PGF: variants seen among roughly 807,000 people sequenced by gnomAD.
PGF encodes placental growth factor.
In PGF, 11 loss-of-function variants were observed where a neutral mutation model predicts 25.3. The ratio of observed to expected loss-of-function variants is 0.43; its 90% CI spans 0.27 to 0.72. The LOEUF (loss-of-function observed/expected upper bound fraction) is 0.72. Among genes scored for constraint, PGF ranks in the 30% least tolerant of loss-of-function variants. The pLI, the probability that PGF is intolerant of heterozygous loss-of-function variation, is 0.18. For synonymous variants in PGF, 105 were observed against 97.9 expected (o/e 1.07, Z -0.43); for missense variants, 230 against 234.9 (o/e 0.98, Z 0.14).
chr14:74,951,714 C>A (rs2268615), intron 2 of PGF, among the ~76,000 whole-genome samples: 54,263 of 152,046 alleles, frequency 0.36, 10,699 homozygotes, highest in Non-Finnish European at 0.42. Context: ...ATGCAGGTTC[C>A]GGGTCCCTGA....
Position 74,953,682 on chromosome 14 carries a change from C to T in PGF, c.118+222G>A, listed in dbSNP as rs1888922263. Among the ~76,000 whole-genome samples, 2 of 152,214 alleles carry T rather than the reference C, an allele frequency of 1.3e-5. No homozygotes were observed. The highest frequency in any genetic ancestry group is 2.9e-5 in the Non-Finnish European group (2 of 68,040). On this transcript the variant is annotated intron_variant, in intron 2 of 6. Transcript: ENST00000555567. This position sits in a 1 kb window ranked among gnomAD's most constrained non-coding sequence, Gnocchi z 5.4. Reference sequence around the variant, plus strand: ...ACCCTGGCTATACTGGCCCCAGCCCCACTCTCCGTGTGCTGGTGACTCCAG... The same window carrying T: ...ACCCTGGCTATACTGGCCCCAGCCCTACTCTCCGTGTGCTGGTGACTCCAG...
intron 2 of PGF, among the ~76,000 whole-genome samples, chr14:74,949,838 T>A (rs537250738): frequency 5.3e-5 from 8 of 152,304 alleles, no homozygotes; most frequent in African/African-American, 1.9e-4. Context: ...GCTTTGAGGA[T>A]TGTAGCCCCG....
rs1888954247 is a variant in PGF, at chr14:74,955,029, C to G, written c.75+139G>C. 3.8e-6 allele frequency: 1 copy of G among 262,982 alleles called. No individual in the cohort carries two copies. Among genetic ancestry groups the G allele is most frequent in the Non-Finnish European group, 7.4e-6 (1 of 135,060 alleles). 16.3% of individuals were successfully genotyped at this position (262,982 alleles called of 1,614,324 possible). On this transcript the variant is annotated intron_variant, in intron 1 of 6. Coordinates refer to ENST00000555567, the MANE Select transcript of PGF (RefSeq NM_002632.6). This position sits in a 1 kb window ranked among gnomAD's most constrained non-coding sequence, Gnocchi z 4.1. ...AGGTCTCTTCCCAAACGAAAGAAGT[C>G]CAGCCTGGCCTTTAGGAAGTGTGTG...
intron 5 of PGF, 38 bp downstream of exon 5, chr14:74,946,341 G>A (rs758939079): frequency 6.2e-7 from 1 of 1,613,900 alleles, no homozygotes; most frequent in African/African-American, 1.3e-5. Context: ...AGGCTGGCAG[G>A]CCCGAGAATA....
rs778488240 is a variant in PGF at position 74,953,978 on chromosome 14, G to C, written c.76-32C>G. The stretch of plus-strand genomic sequence containing the variant: ...ACAGAAAAGTGCAGAGGTGAGCTGG[G>C]GGTACCTTGGAGCTCTGCACTCTTG... On this transcript the variant is annotated intron_variant, in intron 1 of 6. Coordinates refer to ENST00000555567, the MANE Select transcript of PGF (RefSeq NM_002632.6). This position sits in a 1 kb window ranked among gnomAD's most constrained non-coding sequence, Gnocchi z 5.4. 5 of 1,611,620 alleles carry C rather than the reference G, an allele frequency of 3.1e-6. No homozygotes were observed. The highest frequency in any genetic ancestry group is 4.2e-6 in the Non-Finnish European group (5 of 1,178,348).
chr14:74,951,968 T>A (rs1888881739), intron 2 of PGF, among the ~76,000 whole-genome samples: 1 of 152,014 alleles, frequency 6.6e-6, no homozygotes. Context: ...TGCTCAGCTG[T>A]CCCCGAGAGC....
At chr14:74,944,176 C>T (rs2140400925) in intron 6 of PGF, among the ~76,000 whole-genome samples, 1 of 146,668 alleles carries the variant, frequency 6.8e-6, no homozygotes, top group East Asian at 2.0e-4. Flanking sequence ...GATCTCGGCT[C>T]ACTGCAAGTT....
chr14:74,954,069 TG>T, intron 1 of PGF, 123 bp from the exon 2 acceptor site: 1 of 884,302 alleles, frequency 1.1e-6, no homozygotes, highest in Non-Finnish European at 1.8e-6. Context: ...GCACATGCTC[TG>T]CCCTGTCTCA....
At chr14:74,948,206 A>C in intron 4 of PGF, 3 of 274,076 alleles carry the variant, frequency 1.1e-5, no homozygotes, top group East Asian at 6.4e-5. Context: ...GAGAAGGGGA[A>C]CGACACGCAC....
intron 2 of PGF, among the ~76,000 whole-genome samples, chr14:74,952,176 G>T (rs1371356548): frequency 1.3e-5 from 2 of 152,242 alleles, no homozygotes; most frequent in Non-Finnish European, 2.9e-5. Flanking sequence ...CACCTGGGAT[G>T]GGGGAGACCC....
At position 74,951,276 on chromosome 14, in the gene PGF, T is replaced by C. The variant is rs192615214; in HGVS notation, c.119-1723A>G. Among the ~76,000 whole-genome samples, 355 of 152,280 alleles carry C rather than the reference T, an allele frequency of 2.3e-3. 3 individuals are homozygous for C. Among genetic ancestry groups the C allele is most frequent in the African/African-American group, 8.3e-3 (343 of 41,550 alleles). On this transcript the variant is annotated intron_variant, in intron 2 of 6. Coordinates refer to ENST00000555567, the MANE Select transcript of PGF (RefSeq NM_002632.6). ...CTCTGACTCTACCACTCCGCGCCAC[T>C]GGATACTGCCCCGGAACCCAGTGGG...
chr14:74,948,643 TTC>T (rs1416405042), intron 3 of PGF, 60 bp from the exon 4 acceptor site: 19 of 1,082,984 alleles, frequency 1.8e-5, no homozygotes, highest in East Asian at 5.0e-5. Flanking sequence ...TCCGGCACTC[TTC>T]TCTCTCTCCT....
rs149467488 is a variant in PGF, at chr14:74,949,437, A to G, written c.235T>C (p.Ser79Pro). 3.8e-5 allele frequency: 62 copies of G among 1,612,324 alleles called. No individual in the cohort carries two copies. The African/African-American group carries it at 6.7e-4, about 17-fold the overall frequency. The change falls in exon 3 of 7, where the codon TCC (serine) becomes CCC (proline). Residue 79 changes from serine to proline, a missense_variant. Physicochemically the swap from Ser to Pro is moderately conservative, Grantham distance 74 (BLOSUM62 -1). Transcript: ENST00000555567. ...VEHMFSPSCVSLLRCTGCCGD... is the reference protein window; with the variant it reads ...VEHMFSPSCVPLLRCTGCCGD... ...CAGCAGCCGGTGCAGCGCAGCAGGG[A>G]GACACAGGATGGGCTGAACATGTGC...
Position 74,948,519 on chromosome 14 carries a change from C to A in PGF, c.380G>T (p.Arg127Leu). The A allele has an allele frequency of 1.9e-6, 3 of 1,595,370 alleles. No individual in the cohort carries two copies. Among genetic ancestry groups the A allele is most frequent in the Non-Finnish European group, 2.6e-6 (3 of 1,165,638 alleles). Reference protein sequence around the residue: ...YVELTFSQHVRCECRPLREKM... With the variant: ...YVELTFSQHVLCECRPLREKM... Reference sequence around the variant, plus strand: ...CCCGGAGACCTACCGGCATTCGCAGCGAACGTGCTGAGAGAACGTCAGCTC... The same window carrying A: ...CCCGGAGACCTACCGGCATTCGCAGAGAACGTGCTGAGAGAACGTCAGCTC... The change falls in exon 4 of 7, where the codon CGC becomes CTC. Residue 127 changes from arginine (R) to leucine (L), a missense_variant. Physicochemically the swap from Arg to Leu is moderately radical, Grantham distance 102. Coordinates refer to ENST00000555567, the MANE Select transcript of PGF (RefSeq NM_002632.6).
At position 74,942,651 on chromosome 14, in the gene PGF, T is replaced by C. The variant is rs1888628286; in HGVS notation, c.*55A>G. 3 of 1,550,706 alleles carry C rather than the reference T, an allele frequency of 1.9e-6. No homozygotes were observed. The highest frequency in any genetic ancestry group is 1.7e-5 in the Admixed American group (1 of 57,770). ...TACCAGCAGGAGTCACTGAAGAGTG[T>C]GACGGTAATAAATACACGAGCCGGG... On this transcript the variant is annotated 3_prime_UTR_variant, in exon 7 of 7. Transcript: ENST00000555567.
chr14:74,948,570 C>A lies in PGF; in HGVS notation c.329G>T (p.Arg110Leu), dbSNP rs758097328. 9.4e-6 allele frequency: 15 copies of A among 1,602,530 alleles called. No individual in the cohort carries two copies. The highest frequency in any genetic ancestry group is 5.4e-5 in the African/African-American group (4 of 74,662). Residue 110 changes from arginine to leucine, a missense_variant, in exon 4 of 7, where the codon CGT (arginine) becomes CTT (leucine). Physicochemically the swap from Arg to Leu is moderately radical, Grantham distance 102 (BLOSUM62 -2). Coordinates refer to ENST00000555567, the MANE Select transcript of PGF (RefSeq NM_002632.6). The stretch of plus-strand genomic sequence containing the variant: ...CACGTAGGAGGGCCGGTCCCCAGAA[C>A]GGATCTTTAGGAGCTGAAGGAAGAA... ...ANVTMQLLKIRSGDRPSYVEL... is the reference protein window; with the variant it reads ...ANVTMQLLKILSGDRPSYVEL...
chr14:74,952,292 T>C (rs1446916817), intron 2 of PGF, among the ~76,000 whole-genome samples: 1 of 152,214 alleles, frequency 6.6e-6, no homozygotes, highest in African/African-American at 2.4e-5. Context: ...CCCACAAGTG[T>C]CCTCTCCATG....
chr14:74,953,917 C>A lies in PGF; in HGVS notation c.105G>T (p.Ser35=). ...QQWALSAGNG[S]SEVEVVPFQE... ...TGGCCAGCTTACCTTCCACCTCTGACGAGCCGTTCCCAGCAGACAAGGCCC... is the reference window on the plus strand; with the variant it reads ...TGGCCAGCTTACCTTCCACCTCTGAAGAGCCGTTCCCAGCAGACAAGGCCC... Residue 35 remains serine, a synonymous_variant, in exon 2 of 7, where the codon TCG becomes TCT. Transcript: ENST00000555567. The surrounding 1 kb of genome is among the most constrained non-coding windows in gnomAD (Gnocchi z 5.4). 1 of 1,613,632 alleles carries A rather than the reference C, an allele frequency of 6.2e-7. No homozygotes were observed. Among genetic ancestry groups the A allele is most frequent in the Non-Finnish European group, 8.5e-7 (1 of 1,179,980 alleles).
intron 2 of PGF, among the ~76,000 whole-genome samples, chr14:74,951,520 G>A (rs1309915817): frequency 6.6e-6 from 1 of 152,254 alleles, no homozygotes; most frequent in Admixed American, 6.5e-5. Context: ...AGAAGACTCA[G>A]GTTCCTGCCC....
Sources: gnomAD v4.1 joint callset for allele counts (sites outside exome capture counted in the v4.1 genomes callset) on GRCh38, gnomAD v4.1.1 for gene constraint, Gnocchi (gnomAD v3.1) non-coding constraint, MANE v1.5 for transcripts, NCBI Gene and HGNC (gene_info 2026-07-23, HGNC 2026-07-21) for gene names.